ATP6V1B2: variants seen among roughly 807,000 people sequenced by gnomAD.
The protein encoded by ATP6V1B2 is ATPase H+ transporting V1 subunit B2.
Under a neutral mutation model 66.7 loss-of-function variants are expected in ATP6V1B2, and 23 were observed. The ratio of observed to expected loss-of-function variants is 0.34; its 90% CI spans 0.25 to 0.49. The LOEUF (loss-of-function observed/expected upper bound fraction) is 0.49, where lower values mean the gene tolerates loss of function less well. Among genes scored for constraint, ATP6V1B2 ranks in the 20% least tolerant of loss-of-function variants. The pLI, the probability that ATP6V1B2 is intolerant of heterozygous loss-of-function variation, is 0.99. For missense variants in ATP6V1B2, 478 were observed against 650.8 expected (o/e 0.73, Z 2.89); for synonymous variants, 278 against 236.7 (o/e 1.17, Z -1.60).
At chr8:20,211,904 A>G (rs1201987611) in intron 7 of ATP6V1B2, 151 bp downstream of exon 7, 2 of 826,226 alleles carry the variant, frequency 2.4e-6, no homozygotes, top group South Asian at 1.9e-5. Context: ...AAAATTTGGC[A>G]TTTGACTAAT....
intron 11 of ATP6V1B2, 60 bp from the exon 12 acceptor site, chr8:20,217,160 C>G (rs1042963806): frequency 7.5e-7 from 1 of 1,339,766 alleles, no homozygotes; most frequent in African/African-American, 1.5e-5. Flanking sequence ...TTTTTTATTA[C>G]CAGTAAAACT....
chr8:20,204,614 A>G, intron 2 of ATP6V1B2, 75 bp downstream of exon 2: 3 of 1,317,632 alleles, frequency 2.3e-6, no homozygotes, highest in Non-Finnish European at 2.1e-6. Context: ...TATACTTTAA[A>G]TTTTTGTTAT....
At chr8:20,207,036 A>C (rs1563806694) in intron 2 of ATP6V1B2, among the ~76,000 whole-genome samples, 1 of 152,264 alleles carries the variant, frequency 6.6e-6, no homozygotes, top group Non-Finnish European at 1.5e-5. Context: ...TAGTGGATAC[A>C]GGATCAGTTT....
chr8:20,209,225 A>T lies in ATP6V1B2; in HGVS notation c.193-208A>T, dbSNP rs1347066950. On this transcript the variant is annotated intron_variant, in intron 2 of 13. Transcript: ENST00000276390. ...ATTTAAGACCCTTCTTCTGTACCTT[A>T]TGCTTTGTTTGCTAGTATATGTGAC... Among the ~76,000 whole-genome samples, 3 of 152,190 alleles carry T rather than the reference A, an allele frequency of 2.0e-5. No individual in the cohort carries two copies. In the East Asian group the frequency reaches 5.8e-4, roughly 29 times the overall value.
intron 3 of ATP6V1B2, 30 bp from the exon 4 acceptor site, chr8:20,210,316 A>G (rs755861962): frequency 4.1e-5 from 65 of 1,568,124 alleles, no homozygotes; most frequent in Admixed American, 6.8e-5. Context: ...AATTACTTCT[A>G]CCCTTCTCAT....
intron 1 of ATP6V1B2, among the ~76,000 whole-genome samples, chr8:20,199,667 G>A (rs2072664831): frequency 7.3e-6 from 1 of 136,088 alleles, no homozygotes. Flanking sequence ...GGAGTGCAGA[G>A]TGGCGCGATC....
chr8:20,198,761 G>A (rs1160885610), intron 1 of ATP6V1B2, among the ~76,000 whole-genome samples: 2 of 152,214 alleles, frequency 1.3e-5, no homozygotes, highest in Non-Finnish European at 2.9e-5. Context: ...TAGCACTGCA[G>A]TGTGAAGAAA....
intron 8 of ATP6V1B2, 27 bp from the exon 9 acceptor site, chr8:20,212,755 G>A (rs765820783): frequency 2.5e-6 from 4 of 1,603,538 alleles, no homozygotes; most frequent in Non-Finnish European, 2.5e-6. Flanking sequence ...TGGTTTGAGT[G>A]GCCTAAGACT....
At chr8:20,219,791 AC>A (rs2072890127) in intron 13 of ATP6V1B2, among the ~76,000 whole-genome samples, 1 of 152,132 alleles carries the variant, frequency 6.6e-6, no homozygotes, top group Non-Finnish European at 1.5e-5. Flanking sequence ...GAAACCACTG[AC>A]CTTCAGATAG....
At chr8:20,206,888 T>C (rs1420026069) in intron 2 of ATP6V1B2, among the ~76,000 whole-genome samples, 2 of 152,130 alleles carry the variant, frequency 1.3e-5, no homozygotes, top group East Asian at 1.9e-4. Flanking sequence ...CCCAGTGCTA[T>C]GGGGAAAAGA....
intron 2 of ATP6V1B2, among the ~76,000 whole-genome samples, chr8:20,207,028 G>A (rs775540417): frequency 1.3e-4 from 20 of 152,302 alleles, no homozygotes; most frequent in Middle Eastern, 3.4e-3. Context: ...AAACAAGGTA[G>A]TGGATACAGG....
At position 20,220,485 on chromosome 8, in the gene ATP6V1B2, T is replaced by A; in HGVS notation, c.*83T>A. 1.4e-6 allele frequency: 2 copies of A among 1,456,652 alleles called. No individual in the cohort carries two copies. Among genetic ancestry groups the A allele is most frequent in the South Asian group, 3.1e-5 (2 of 64,228 alleles). The allele number at this position is 1,456,652 out of a possible 1,614,324, so 90.2% of individuals were successfully genotyped here. Reference sequence around the variant, plus strand: ...CCTTTTGCACTCTCGGTTCCCACCTTTGTGTTGGAGTTTACCATGTTACCC... The same window carrying A: ...CCTTTTGCACTCTCGGTTCCCACCTATGTGTTGGAGTTTACCATGTTACCC... On this transcript the variant is annotated 3_prime_UTR_variant, in exon 14 of 14. Transcript: ENST00000276390.
At chr8:20,204,461 G>T in intron 1 of ATP6V1B2, 23 bp from the exon 2 acceptor site, 1 of 1,604,262 alleles carries the variant, frequency 6.2e-7, no homozygotes, top group South Asian at 1.1e-5. Context: ...GACTAAAACT[G>T]ACTCTTCTGT....
chr8:20,202,472 GTTAC>G (rs1179636442), intron 1 of ATP6V1B2, among the ~76,000 whole-genome samples: 17 of 152,304 alleles, frequency 1.1e-4, no homozygotes, highest in African/African-American at 4.1e-4. Flanking sequence ...AACTTGCAAG[GTTAC>G]TTACTAACTT....
At chr8:20,199,671 C>T (rs2072664903) in intron 1 of ATP6V1B2, among the ~76,000 whole-genome samples, 2 of 128,804 alleles carry the variant, frequency 1.6e-5, no homozygotes, top group African/African-American at 5.9e-5. Context: ...TGCAGAGTGG[C>T]GCGATCTAGG....
chr8:20,216,593 A>G lies in ATP6V1B2; in HGVS notation c.1161+98A>G, dbSNP rs568309908. 614 of 1,103,552 alleles carry G rather than the reference A, an allele frequency of 5.6e-4. 1 individual carries two copies. Among genetic ancestry groups the G allele is most frequent in the Non-Finnish European group, 7.3e-4 (555 of 760,260 alleles). 68.4% of individuals were successfully genotyped at this position (1,103,552 alleles called of 1,614,324 possible). The stretch of plus-strand genomic sequence containing the variant: ...CTCTTAGGAATTGCTTTGCTTAGAA[A>G]GTATCAACTTGAATTGTTTTTAATA... On this transcript the variant is annotated intron_variant, in intron 11 of 13. Transcript: ENST00000276390.
intron 2 of ATP6V1B2, among the ~76,000 whole-genome samples, chr8:20,206,459 G>C (rs2072739221): frequency 6.6e-6 from 1 of 152,138 alleles, no homozygotes. Flanking sequence ...TAATTTGCTA[G>C]AATAGGTTAC....
chr8:20,218,200 C>T lies in ATP6V1B2; in HGVS notation c.1314C>T (p.Val438=), dbSNP rs1306392672. 5 of 1,613,176 alleles carry T rather than the reference C, an allele frequency of 3.1e-6. No homozygotes were observed. The highest frequency in any genetic ancestry group is 3.4e-6 in the Non-Finnish European group (4 of 1,179,506). ...AGGATGTGCAAGCCATGAAAGCTGT[C>T]GTTGGAGAAGAAGCCCTTACCTCAG... ...IGKDVQAMKA[V]VGEEALTSDD... The change falls in exon 13 of 14, where the codon GTC becomes GTT. Residue 438 remains valine, a synonymous_variant. Coordinates refer to ENST00000276390, the MANE Select transcript of ATP6V1B2 (RefSeq NM_001693.4).
In ATP6V1B2 at chr8:20,197,412, G is replaced by A. The variant is rs1330914351; in HGVS notation, c.6G>A (p.Ala2=). M[A]LRAMRGIVNG... is the part of the protein sequence containing the mutation. ...GTCGGGACAGAGGAGACAAGATGGC[G>A]CTGCGGGCGATGCGGGGGATTGTCA... Residue 2 remains alanine, a synonymous_variant, in exon 1 of 14, where the codon GCG becomes GCA. Coordinates refer to ENST00000276390, the MANE Select transcript of ATP6V1B2 (RefSeq NM_001693.4). 3 of 1,541,194 alleles carry A rather than the reference G, an allele frequency of 1.9e-6. No homozygotes were observed. Among genetic ancestry groups the A allele is most frequent in the African/African-American group, 1.4e-5 (1 of 70,182 alleles).
Sources: gnomAD v4.1 joint callset for allele counts (sites outside exome capture counted in the v4.1 genomes callset) on GRCh38, gnomAD v4.1.1 for gene constraint, MANE v1.5 for transcripts, NCBI Gene and HGNC (gene_info 2026-07-23, HGNC 2026-07-21) for gene names.